The following MYO3B variants were observed in gnomAD, a reference collection of about 807,000 sequenced individuals.
MYO3B encodes myosin-IIIb.
Under a neutral mutation model 174.6 loss-of-function variants are expected in MYO3B, and 156 were observed. That is an observed-to-expected ratio of 0.89 (90% CI 0.78 to 1.02). MYO3B has a LOEUF of 1.02. Among genes scored for constraint, MYO3B ranks in the 50% least tolerant of loss-of-function variants. The pLI is 0.00. For missense variants in MYO3B, 1,632 were observed against 1,639.4 expected (o/e 1.00, Z 0.08); for synonymous variants, 563 against 569.1 (o/e 0.99, Z 0.15).
chr2:170,478,595 G>T (rs1685465443), intron 25 of MYO3B, among the ~76,000 whole-genome samples: 1 of 129,086 alleles, frequency 7.7e-6, no homozygotes. Context: ...TTGAGATGGA[G>T]TCTCACTCTG....
chr2:170,646,981 CT>C (rs1342539998), intron 32 of MYO3B: 1 of 1,212,078 alleles, frequency 8.3e-7, no homozygotes, highest in Non-Finnish European at 1.1e-6. Context: ...GTTGTACTTC[CT>C]TTCATCTTAG....
chr2:170,209,035 C>CTG (rs1174406116), intron 3 of MYO3B, among the ~76,000 whole-genome samples: 3 of 152,132 alleles, frequency 2.0e-5, no homozygotes, highest in Non-Finnish European at 2.9e-5. Context: ...AGGTCAGGAA[C>CTG]CCTATACAGG....
At chr2:170,334,192 T>C (rs2093931269) in intron 7 of MYO3B, 1 of 152,232 alleles carries the variant, frequency 6.6e-6, no homozygotes, top group African/African-American at 2.4e-5. Flanking sequence ...AAGGAGACTT[T>C]CTGGAAATAC....
At chr2:170,531,463 T>C (rs1559089438) in intron 30 of MYO3B, among the ~76,000 whole-genome samples, 1 of 152,310 alleles carries the variant, frequency 6.6e-6, no homozygotes, top group East Asian at 1.9e-4. Context: ...AGTTTCCTCA[T>C]CTTTAAGTGG....
chr2:170,473,415 G>T (rs2105988467), intron 25 of MYO3B, among the ~76,000 whole-genome samples: 1 of 151,832 alleles, frequency 6.6e-6, no homozygotes. Flanking sequence ...CAAAGTACTG[G>T]GATTACAGGC....
chr2:170,589,652 G>A (rs1184831722), intron 32 of MYO3B, among the ~76,000 whole-genome samples: 1 of 152,194 alleles, frequency 6.6e-6, no homozygotes, highest in Admixed American at 6.5e-5. Flanking sequence ...TATGTTTTGA[G>A]CTAAGTGTTA....
chr2:170,568,917 G>T (rs772092119), intron 32 of MYO3B, among the ~76,000 whole-genome samples: 11 of 152,064 alleles, frequency 7.2e-5, no homozygotes, highest in Admixed American at 2.0e-4. Flanking sequence ...TTAGGGAAAA[G>T]GTCTACAAAA....
intron 32 of MYO3B, among the ~76,000 whole-genome samples, chr2:170,619,661 A>G (rs1695727906): frequency 6.6e-6 from 1 of 151,664 alleles, no homozygotes; most frequent in African/African-American, 2.4e-5. Flanking sequence ...AGAGTGAGAG[A>G]AAGCACACAA....
chr2:170,458,230 A>G (rs1684023664), intron 23 of MYO3B, among the ~76,000 whole-genome samples: 1 of 152,234 alleles, frequency 6.6e-6, no homozygotes, highest in African/African-American at 2.4e-5. Context: ...GCACTATGAC[A>G]TTATGTCTAC....
chr2:170,220,987 C>T (rs1181033821), intron 6 of MYO3B, among the ~76,000 whole-genome samples: 1 of 152,164 alleles, frequency 6.6e-6, no homozygotes, highest in Admixed American at 6.5e-5. Context: ...TCTTTTTGCG[C>T]CATAATCCTC....
chr2:170,630,707 G>A (rs1230991585), intron 32 of MYO3B, among the ~76,000 whole-genome samples: 1 of 152,162 alleles, frequency 6.6e-6, no homozygotes, highest in Non-Finnish European at 1.5e-5. Context: ...TCAGAGGAAG[G>A]ATCAGGCAGC....
At chr2:170,213,758 C>T (rs537934642) in intron 3 of MYO3B, among the ~76,000 whole-genome samples, 24 of 152,152 alleles carry the variant, frequency 1.6e-4, no homozygotes, top group Non-Finnish European at 1.2e-4. Context: ...GAGAGAAGAG[C>T]ATAAAGTTGC....
intron 1 of MYO3B, among the ~76,000 whole-genome samples, chr2:170,198,296 CTCTCTTCTTTTATGTG>C (rs2092623157): frequency 6.6e-6 from 1 of 152,150 alleles, no homozygotes; most frequent in Non-Finnish European, 1.5e-5. Flanking sequence ...ATGCGTATTT[CTCTCTTCTTTTATGTG>C]ACTCTGTTTA....
At chr2:170,578,222 G>A in intron 32 of MYO3B, among the ~76,000 whole-genome samples, 1 of 152,242 alleles carries the variant, frequency 6.6e-6, no homozygotes, top group East Asian at 1.9e-4. Context: ...TCACAGACAA[G>A]GTCGCAGCCT....
At chr2:170,251,035 T>C (rs2105330168) in intron 7 of MYO3B, among the ~76,000 whole-genome samples, 2 of 152,118 alleles carry the variant, frequency 1.3e-5, no homozygotes, top group African/African-American at 4.8e-5. Flanking sequence ...GAATGCCTGT[T>C]TTCACTTAGG....
chr2:170,465,684 T>C (rs935676813), intron 24 of MYO3B, among the ~76,000 whole-genome samples: 4 of 152,206 alleles, frequency 2.6e-5, no homozygotes, highest in Non-Finnish European at 5.9e-5. Context: ...TTCAGAAATA[T>C]ACCCATACAA....
chr2:170,451,289 A>G (rs917020381), intron 23 of MYO3B, among the ~76,000 whole-genome samples: 25 of 152,262 alleles, frequency 1.6e-4, no homozygotes, highest in African/African-American at 6.0e-4. Context: ...GGAGCCTAGG[A>G]CACCAGACAG....
intron 29 of MYO3B, among the ~76,000 whole-genome samples, 194 bp from the exon 30 acceptor site, chr2:170,519,244 G>C (rs1688509864): frequency 6.6e-6 from 1 of 152,140 alleles, no homozygotes; most frequent in East Asian, 1.9e-4. Flanking sequence ...TGCTGACTGA[G>C]ACCAAGCATG....
intron 7 of MYO3B, among the ~76,000 whole-genome samples, chr2:170,264,315 T>C (rs967429617): frequency 6.6e-6 from 1 of 152,216 alleles, no homozygotes; most frequent in Non-Finnish European, 1.5e-5. Flanking sequence ...TTTCACAGTA[T>C]GGTGGTCTCA....
Sources: allele counts gnomAD v4.1 joint callset (sites outside exome capture counted in the v4.1 genomes callset), GRCh38; gene constraint gnomAD v4.1.1; transcripts MANE v1.5; gene names NCBI Gene and HGNC (gene_info 2026-07-23, HGNC 2026-07-21).